Variants in PON3 observed in about 807,000 individuals in gnomAD.
The protein encoded by PON3 is serum paraoxonase/lactonase 3.
Under a neutral mutation model 36.3 loss-of-function variants are expected in PON3, and 37 were observed. The ratio of observed to expected loss-of-function variants is 1.02; its 90% confidence interval spans 0.78 to 1.34. The LOEUF (loss-of-function observed/expected upper bound fraction) is 1.34, where lower values mean the gene tolerates loss of function less well. Ranked by LOEUF, PON3 falls within the 40% of genes most tolerant of loss-of-function variation. The probability of loss-of-function intolerance (pLI) is 0.00; values close to 1 mark genes in which losing one functional copy is unlikely to be tolerated. For missense variants in PON3, 415 were observed against 426.5 expected (o/e 0.97, Z 0.24); for synonymous variants, 155 against 154.8 (o/e 1.00, Z -0.01).
chr7:95,373,519 C>G (rs1808853189), intron 3 of PON3, among the ~76,000 whole-genome samples: 1 of 152,160 alleles, frequency 6.6e-6, no homozygotes, highest in Non-Finnish European at 1.5e-5. Flanking sequence ...GTCAGCACAT[C>G]TGGAGAAGGG....
At chr7:95,390,113 GC>G (rs1318851144) in intron 3 of PON3, 40 bp downstream of exon 3, 9 of 1,541,934 alleles carry the variant, frequency 5.8e-6, no homozygotes, top group African/African-American at 2.7e-5. Flanking sequence ...TGTCTATACA[GC>G]TATTGATGTG....
At chr7:95,378,703 TGA>T (rs1208802836) in intron 3 of PON3, among the ~76,000 whole-genome samples, 2 of 152,156 alleles carry the variant, frequency 1.3e-5, no homozygotes, top group African/African-American at 4.8e-5. Flanking sequence ...CAACAAATGC[TGA>T]GAGATTCTGT....
intron 1 of PON3, chr7:95,396,037 G>A: frequency 1.8e-6 from 1 of 564,172 alleles, no homozygotes. Flanking sequence ...AAGCAAAGTG[G>A]GGGATCATAA....
At chr7:95,391,515 GAT>G (rs1809319080) in intron 2 of PON3, among the ~76,000 whole-genome samples, 2 of 152,312 alleles carry the variant, frequency 1.3e-5, no homozygotes, top group Non-Finnish European at 2.9e-5. Context: ...TCCAGAGAAA[GAT>G]ATATTTCACC....
At chr7:95,388,811 C>G (rs1585733704) in intron 3 of PON3, among the ~76,000 whole-genome samples, 1 of 152,230 alleles carries the variant, frequency 6.6e-6, no homozygotes, top group South Asian at 2.1e-4. Flanking sequence ...AAACTGAAAA[C>G]TATAATTCTC....
At chr7:95,389,140 C>T (rs1585733874) in intron 3 of PON3, among the ~76,000 whole-genome samples, 1 of 152,050 alleles carries the variant, frequency 6.6e-6, no homozygotes, top group East Asian at 1.9e-4. Flanking sequence ...AAGGAAAAAA[C>T]TTTTCTAGAC....
rs73709962 is a variant in PON3, at chr7:95,360,410, A to G, written c.907-279T>C. Among the ~76,000 whole-genome samples the G allele has an allele frequency of 2.3e-3, 347 of 152,250 alleles. 1 individual carries two copies. Among genetic ancestry groups the G allele is most frequent in the African/African-American group, 7.9e-3 (330 of 41,544 alleles). On this transcript the variant is annotated intron_variant, in intron 8 of 8. Transcript: ENST00000265627. Reference sequence around the variant, plus strand: ...TTACAGAAGGAGTTAAGATGCTCTTATTTAGTTCTCAAGTGGATGGTGGTC... The same window carrying G: ...TTACAGAAGGAGTTAAGATGCTCTTGTTTAGTTCTCAAGTGGATGGTGGTC...
Position 95,372,045 on chromosome 7 carries a change from TA to T in PON3, c.367+127del, listed in dbSNP as rs1253615351. 1.2e-5 allele frequency: 14 copies of T among 1,195,920 alleles called. No homozygotes were observed. The East Asian group carries it at 1.2e-4, about 10-fold the overall frequency. The allele number at this position is 1,195,920 out of a possible 1,614,324, so 74.1% of individuals were successfully genotyped here. On this transcript the variant is annotated intron_variant, in intron 4 of 8. Transcript: ENST00000265627. ...CAAGGTTTTATACCTATTTATCATT[TA>T]AAAAAAACACATCTGTATGGTAAAA...
At chr7:95,394,620 C>T (rs758098573) in intron 2 of PON3, 24 bp downstream of exon 2, 6 of 1,602,012 alleles carry the variant, frequency 3.7e-6, no homozygotes, top group East Asian at 2.2e-5. Context: ...GTGCTGGCTC[C>T]TCTTGGTACT....
At chr7:95,375,619 A>T in intron 3 of PON3, among the ~76,000 whole-genome samples, 1 of 152,230 alleles carries the variant, frequency 6.6e-6, no homozygotes, top group East Asian at 1.9e-4. Flanking sequence ...GAGCATAGCC[A>T]GCTAGTGAAA....
At chr7:95,372,501 G>C (rs1167932920) in intron 3 of PON3, among the ~76,000 whole-genome samples, 163 bp from the exon 4 acceptor site, 1 of 152,008 alleles carries the variant, frequency 6.6e-6, no homozygotes, top group African/African-American at 2.4e-5. Flanking sequence ...ATCTGATCTG[G>C]GGTGTTACTG....
intron 4 of PON3, among the ~76,000 whole-genome samples, chr7:95,369,309 CAAG>C: frequency 6.6e-6 from 1 of 152,052 alleles, no homozygotes; most frequent in African/African-American, 2.4e-5. Context: ...GAGAGGAAAA[CAAG>C]GAGGAAAAAT....
intron 3 of PON3, among the ~76,000 whole-genome samples, chr7:95,385,211 G>A (rs1428743286): frequency 1.3e-5 from 2 of 152,084 alleles, no homozygotes; most frequent in Non-Finnish European, 2.9e-5. Flanking sequence ...TGTGGGGTAG[G>A]GGGAAGAGGG....
At chr7:95,390,094 T>C (rs1217355338) in intron 3 of PON3, 60 bp downstream of exon 3, 6 of 1,494,592 alleles carry the variant, frequency 4.0e-6, no homozygotes, top group East Asian at 4.5e-5. Flanking sequence ...GAGGACAACA[T>C]TAATGCACTG....
At chr7:95,379,900 G>A (rs1242650440) in intron 3 of PON3, among the ~76,000 whole-genome samples, 4 of 152,214 alleles carry the variant, frequency 2.6e-5, no homozygotes. Flanking sequence ...CAGAAAGACT[G>A]CCTCCTCAAG....
chr7:95,374,224 C>A (rs935553995), intron 3 of PON3, among the ~76,000 whole-genome samples: 11 of 152,184 alleles, frequency 7.2e-5, no homozygotes, highest in African/African-American at 2.4e-4. Flanking sequence ...TTACTTACTA[C>A]TTCTCTGAAA....
chr7:95,390,615 C>A (rs562675225), intron 2 of PON3, among the ~76,000 whole-genome samples: 24 of 152,258 alleles, frequency 1.6e-4, no homozygotes, highest in South Asian at 6.2e-4. Context: ...TTATTACAGG[C>A]CTCTCTGCCA....
intron 4 of PON3, among the ~76,000 whole-genome samples, chr7:95,370,793 T>C (rs17885396): frequency 0.057 from 8,703 of 152,338 alleles, 828 homozygotes; most frequent in African/African-American, 0.2. Context: ...GTTTTTATAA[T>C]ATATTTTTGA....
Position 95,362,759 on chromosome 7 carries a change from C to T in PON3, c.777+1G>A, listed in dbSNP as rs1486800006. The T allele has an allele frequency of 3.7e-6, 6 of 1,603,006 alleles. No homozygotes were observed. In the Admixed American group the frequency reaches 5.0e-5, roughly 13 times the overall value. On this transcript the variant is annotated splice_donor_variant, in intron 7 of 8. Transcript: ENST00000265627. LOFTEE classifies it high-confidence loss of function. ...GTGTGGGCCAGACAGGGTACTCTTACCTTCAGTTGAGTTAAATCCCAGTTA... is the reference window on the plus strand; with the variant it reads ...GTGTGGGCCAGACAGGGTACTCTTATCTTCAGTTGAGTTAAATCCCAGTTA...
Sources: allele counts gnomAD v4.1 joint callset (sites outside exome capture counted in the v4.1 genomes callset), GRCh38; gene constraint gnomAD v4.1.1; transcripts MANE v1.5; gene names NCBI Gene and HGNC (gene_info 2026-07-23, HGNC 2026-07-21).